TFCP2: variants seen among roughly 807,000 people sequenced by gnomAD.
TFCP2 encodes transcription factor CP2.
TFCP2 carries 33 observed loss-of-function variants against 73.4 expected under a neutral mutation model. That is an observed-to-expected ratio of 0.45 (90% CI 0.34 to 0.60). The LOEUF (loss-of-function observed/expected upper bound fraction) is 0.60, where lower values mean the gene tolerates loss of function less well. Ranked by LOEUF, TFCP2 falls within the 20% of genes least tolerant of loss-of-function variation. The pLI is 0.01. For synonymous variants in TFCP2, 193 were observed against 211.6 expected (o/e 0.91, Z 0.76); for missense variants, 352 against 604.0 (o/e 0.58, Z 4.37).
intron 1 of TFCP2, among the ~76,000 whole-genome samples, chr12:51,167,503 T>C (rs931017335): frequency 1.3e-5 from 2 of 152,064 alleles, no homozygotes; most frequent in Non-Finnish European, 2.9e-5. Flanking sequence ...AGTCATTCTC[T>C]TGCCTCAGCC....
Position 51,172,582 on chromosome 12 carries a change from C to A in TFCP2, c.-160G>T. The stretch of plus-strand genomic sequence containing the variant: ...CAAGCCCGACCAGCACTGCTCTGTG[C>A]ACAACTAATCTCCCGTACCCTTGGC... On this transcript the variant is annotated 5_prime_UTR_variant, in exon 1 of 15. Coordinates refer to ENST00000257915, the MANE Select transcript of TFCP2 (RefSeq NM_005653.5). The A allele has an allele frequency of 1.1e-6, 1 of 870,384 alleles. No homozygotes were observed. The allele number at this position is 870,384 out of a possible 1,614,324, so 53.9% of individuals were successfully genotyped here.
chr12:51,117,887 A>G (rs1035700387), intron 2 of TFCP2, 140 bp from the exon 3 acceptor site: 1 of 598,542 alleles, frequency 1.7e-6, no homozygotes, highest in African/African-American at 1.9e-5. Context: ...AAGCCTTTAC[A>G]AGATGCTCAG....
At chr12:51,163,521 C>T (rs1486426824) in intron 1 of TFCP2, among the ~76,000 whole-genome samples, 1 of 151,540 alleles carries the variant, frequency 6.6e-6, no homozygotes, top group African/African-American at 2.4e-5. Flanking sequence ...ACTTGGGAGG[C>T]AGAGGTTGCA....
chr12:51,150,209 G>A (rs181008753), intron 1 of TFCP2, among the ~76,000 whole-genome samples: 1 of 152,222 alleles, frequency 6.6e-6, no homozygotes, highest in African/African-American at 2.4e-5. Context: ...CCTGAGGTCA[G>A]GAGTTTGAGA....
At chr12:51,138,072 C>T (rs1482117896) in intron 1 of TFCP2, among the ~76,000 whole-genome samples, 7 of 152,110 alleles carry the variant, frequency 4.6e-5, no homozygotes, top group Admixed American at 1.3e-4. Context: ...CTCATTCCTC[C>T]CCTTAATGAA....
At position 51,172,664 on chromosome 12, in the gene TFCP2, G is replaced by A; in HGVS notation, c.-242C>T. 6.5e-6 allele frequency: 3 copies of A among 461,614 alleles called. No individual in the cohort carries two copies. The highest frequency in any genetic ancestry group is 2.3e-5 in the South Asian group (1 of 43,320). 28.6% of individuals were successfully genotyped at this position (461,614 alleles called of 1,614,324 possible). ...TCCCCCCTGCCCAGCTCTCAGGAAC[G>A]TGAGGACCCCTTTGCTCAACTACTG... is the stretch of plus-strand genomic sequence containing the variant. On this transcript the variant is annotated 5_prime_UTR_variant, in exon 1 of 15. In the 5' UTR this introduces an upstream ATG that the reference lacks. Coordinates refer to ENST00000257915, the MANE Select transcript of TFCP2 (RefSeq NM_005653.5).
chr12:51,117,113 C>T (rs2136982130), intron 3 of TFCP2, among the ~76,000 whole-genome samples: 1 of 152,270 alleles, frequency 6.6e-6, no homozygotes, highest in South Asian at 2.1e-4. Context: ...CTTGCTAACC[C>T]ACCATACAAC....
At chr12:51,097,260 C>CT (rs545915983) in intron 13 of TFCP2, among the ~76,000 whole-genome samples, 143 of 150,396 alleles carry the variant, frequency 9.5e-4, no homozygotes, top group Non-Finnish European at 1.2e-3. Context: ...TTCTTTTTTT[C>CT]TTTTTTTGGA....
chr12:51,127,734 G>C (rs1466288529), intron 1 of TFCP2, among the ~76,000 whole-genome samples: 1 of 152,120 alleles, frequency 6.6e-6, no homozygotes, highest in Admixed American at 6.5e-5. Context: ...GATAAATAAG[G>C]AGACTGTCAA....
chr12:51,165,013 C>T (rs527640850), intron 1 of TFCP2, among the ~76,000 whole-genome samples: 104 of 152,270 alleles, frequency 6.8e-4, no homozygotes, highest in South Asian at 2.9e-3. Context: ...CACTTCCTAA[C>T]GTTCTATGAG....
rs1210395255 is a variant in TFCP2, at chr12:51,136,928, G to A, written c.123-18156C>T. On this transcript the variant is annotated intron_variant, in intron 1 of 14. Coordinates refer to ENST00000257915, the MANE Select transcript of TFCP2 (RefSeq NM_005653.5). The stretch of plus-strand genomic sequence containing the variant: ...CCACTGCATTTCAGCCCGGACGACA[G>A]AGGAGACTCTGTCTCAAAAACAAAC... 2.6e-5 allele frequency among the ~76,000 whole-genome samples: 4 copies of A among 152,142 alleles called. No homozygotes were observed. The South Asian group carries it at 8.3e-4, about 31-fold the overall frequency.
chr12:51,107,395 C>G (rs759036789), intron 6 of TFCP2, 49 bp from the exon 7 acceptor site: 4 of 1,496,508 alleles, frequency 2.7e-6, no homozygotes, highest in Non-Finnish European at 3.7e-6. Flanking sequence ...ACCTTTTAAC[C>G]CAAAATATTG....
intron 1 of TFCP2, among the ~76,000 whole-genome samples, chr12:51,145,057 T>C (rs1941264051): frequency 2.0e-5 from 3 of 151,926 alleles, no homozygotes; most frequent in Admixed American, 6.6e-5. Context: ...AAAAATTAGC[T>C]GGGCATGGTG....
chr12:51,095,916 A>C (rs1286847231), intron 14 of TFCP2, 73 bp downstream of exon 14: 2 of 1,181,114 alleles, frequency 1.7e-6, no homozygotes, highest in Non-Finnish European at 2.4e-6. Context: ...CTCTCCTCAA[A>C]GAAGTATGTA....
intron 1 of TFCP2, among the ~76,000 whole-genome samples, chr12:51,150,234 A>G (rs991177076): frequency 6.6e-6 from 1 of 152,146 alleles, no homozygotes; most frequent in Non-Finnish European, 1.5e-5. Flanking sequence ...CCTGGCCAAC[A>G]TGGCGAAACC....
At chr12:51,104,793 C>G (rs7964910) in intron 8 of TFCP2, among the ~76,000 whole-genome samples, 93,673 of 150,860 alleles carry the variant, frequency 0.62, 29,604 homozygotes, top group Admixed American at 0.68. Context: ...CTCACTGCAA[C>G]CTCTGCCTCC....
At chr12:51,150,121 A>G (rs1226039107) in intron 1 of TFCP2, among the ~76,000 whole-genome samples, 1 of 152,162 alleles carries the variant, frequency 6.6e-6, no homozygotes, top group Non-Finnish European at 1.5e-5. Context: ...CATCTTTTAA[A>G]AAGTAGTGAA....
chr12:51,132,355 G>GTATTTTTT (rs1276335598), intron 1 of TFCP2, among the ~76,000 whole-genome samples: 1 of 21,466 alleles, frequency 4.7e-5, no homozygotes, highest in African/African-American at 1.2e-4. Context: ...TTAGGGATTA[G>GTATTTTTT]TCTTTTTTTT....
intron 1 of TFCP2, among the ~76,000 whole-genome samples, chr12:51,128,652 G>T (rs770901750): frequency 6.6e-6 from 1 of 152,078 alleles, no homozygotes; most frequent in African/African-American, 2.4e-5. Context: ...ACTGTGCAAG[G>T]TGAAAAAATA....
Sources: gnomAD v4.1 joint callset for allele counts (sites outside exome capture counted in the v4.1 genomes callset) on GRCh38, gnomAD v4.1.1 for gene constraint, MANE v1.5 for transcripts, NCBI Gene and HGNC (gene_info 2026-07-23, HGNC 2026-07-21) for gene names.